PLCL1: variants seen among roughly 807,000 people sequenced by gnomAD.
PLCL1 encodes inactive phospholipase C-like protein 1.
In PLCL1, 41 loss-of-function variants were observed where a neutral mutation model predicts 84.4. The ratio of observed to expected loss-of-function variants is 0.49; its 90% CI spans 0.38 to 0.63. The LOEUF (loss-of-function observed/expected upper bound fraction) is 0.63. PLCL1 is among the 30% of genes least tolerant of loss of function. The pLI is 0.00. For missense variants in PLCL1, 1,206 were observed against 1,367.8 expected, an observed-to-expected ratio of 0.88 and a Z score of 1.87; for synonymous variants, 490 against 488.3, an observed-to-expected ratio of 1.00 and a Z score of -0.05.
chr2:197,915,593 C>G (rs1469425737), intron 1 of PLCL1, among the ~76,000 whole-genome samples: 2 of 151,414 alleles, frequency 1.3e-5, no homozygotes, highest in African/African-American at 4.9e-5. Flanking sequence ...GGGAGTTAAG[C>G]AGAAGAAGGT....
chr2:198,007,454 G>A (rs911412528), intron 1 of PLCL1, among the ~76,000 whole-genome samples: 1 of 152,062 alleles, frequency 6.6e-6, no homozygotes, highest in Admixed American at 6.5e-5. Context: ...TCTCAACAGG[G>A]ACCATGAAGA....
rs557654515 is a variant in PLCL1 at position 197,887,977 on chromosome 2, A to T, written c.240+82638A>T. Among the ~76,000 whole-genome samples, 89 of 152,086 alleles carry T rather than the reference A, an allele frequency of 5.9e-4. 4 individuals are homozygous for T. The South Asian group carries it at 0.014, about 24-fold the overall frequency. ...TGCGGTGGTGTGTGGCTCTGGTCCC[A>T]GGTACTTGGGAGGCTGAAGTAGGGG... On this transcript the variant is annotated intron_variant, in intron 1 of 5. Transcript: ENST00000428675.
intron 1 of PLCL1, among the ~76,000 whole-genome samples, chr2:198,016,900 T>C (rs1219068184): frequency 6.6e-6 from 1 of 152,212 alleles, no homozygotes; most frequent in Non-Finnish European, 1.5e-5. Context: ...TTAATGCTTA[T>C]ACTGCCACTT....
intron 1 of PLCL1, among the ~76,000 whole-genome samples, chr2:197,893,828 T>G (rs1391262176): frequency 1.3e-5 from 2 of 151,942 alleles, no homozygotes; most frequent in Non-Finnish European, 1.5e-5. Flanking sequence ...AAATAGGGAT[T>G]TAATGTTTTT....
At chr2:198,038,924 TA>T (rs1470734855) in intron 1 of PLCL1, among the ~76,000 whole-genome samples, 4 of 151,958 alleles carry the variant, frequency 2.6e-5, no homozygotes, top group Non-Finnish European at 4.4e-5. Context: ...AACAGAGCTG[TA>T]AGATAGTAAT....
At chr2:198,015,064 C>T (rs763414755) in intron 1 of PLCL1, among the ~76,000 whole-genome samples, 6 of 152,068 alleles carry the variant, frequency 3.9e-5, no homozygotes, top group Admixed American at 1.3e-4. Context: ...ACATGTTCGG[C>T]GTTTCAGTGG....
At chr2:197,920,804 G>T (rs898019112) in intron 1 of PLCL1, among the ~76,000 whole-genome samples, 1 of 152,202 alleles carries the variant, frequency 6.6e-6, no homozygotes, top group Non-Finnish European at 1.5e-5. Context: ...TTATTTGCAA[G>T]CCAATGTAAT....
Position 197,922,600 on chromosome 2 carries a change from C to G in PLCL1, c.240+117261C>G, listed in dbSNP as rs1367969163. 1.8e-3 allele frequency among the ~76,000 whole-genome samples: 251 copies of G among 139,030 alleles called. 2 individuals are homozygous for G. The highest frequency in any genetic ancestry group is 6.2e-3 in the African/African-American group (240 of 38,426). The allele number at this position is 139,030 out of a possible 152,430, so 91.2% of individuals were successfully genotyped here. ...CCCAGTAGGGGCAGCCGGGCAGAGG[C>G]GCCCCTCACCTCCCGGACGGGGCGG... On this transcript the variant is annotated intron_variant, in intron 1 of 5. Transcript: ENST00000428675.
intron 1 of PLCL1, among the ~76,000 whole-genome samples, chr2:197,949,266 G>A (rs1332464916): frequency 1.3e-5 from 2 of 152,146 alleles, no homozygotes; most frequent in Admixed American, 1.3e-4. Context: ...AGATCAGAGA[G>A]GCTGCTGAGA....
intron 1 of PLCL1, among the ~76,000 whole-genome samples, chr2:197,988,284 G>A (rs765105861): frequency 2.0e-5 from 3 of 152,134 alleles, no homozygotes; most frequent in Non-Finnish European, 2.9e-5. Flanking sequence ...TGGTTACATG[G>A]ATGAATTGTA....
intron 3 of PLCL1, among the ~76,000 whole-genome samples, chr2:198,101,017 T>C (rs1693318596): frequency 1.3e-5 from 2 of 152,204 alleles, no homozygotes; most frequent in South Asian, 4.1e-4. Flanking sequence ...GGAATGTATA[T>C]ACATTTATTT....
intron 5 of PLCL1, among the ~76,000 whole-genome samples, chr2:198,133,169 A>G (rs1408734007): frequency 6.6e-6 from 1 of 152,038 alleles, no homozygotes; most frequent in Non-Finnish European, 1.5e-5. Flanking sequence ...AATGTGGCAC[A>G]TATACACCAT....
chr2:198,130,255 C>T (rs1316457972), intron 5 of PLCL1, among the ~76,000 whole-genome samples: 1 of 152,132 alleles, frequency 6.6e-6, no homozygotes, highest in African/African-American at 2.4e-5. Context: ...GGGACACCAC[C>T]CCCTTCTCTC....
chr2:198,047,947 A>G (rs1574272651), intron 1 of PLCL1, among the ~76,000 whole-genome samples: 1 of 152,202 alleles, frequency 6.6e-6, no homozygotes, highest in Admixed American at 6.5e-5. Flanking sequence ...GTGGCAGATT[A>G]AGAACCTTCT....
At chr2:197,966,129 G>A (rs1689727707) in intron 1 of PLCL1, among the ~76,000 whole-genome samples, 2 of 151,894 alleles carry the variant, frequency 1.3e-5, no homozygotes. Flanking sequence ...TACTATGGCT[G>A]AGCTGGTATT....
intron 1 of PLCL1, among the ~76,000 whole-genome samples, chr2:197,827,809 G>A (rs1243075934): frequency 2.6e-5 from 4 of 152,092 alleles, no homozygotes; most frequent in East Asian, 1.9e-4. Context: ...TAAGTGTTCA[G>A]TTGGCTACAG....
intron 1 of PLCL1, among the ~76,000 whole-genome samples, chr2:197,862,034 C>A (rs1161624670): frequency 6.6e-6 from 1 of 152,128 alleles, no homozygotes; most frequent in Non-Finnish European, 1.5e-5. Context: ...ATAAAGCAAA[C>A]TTCTAGCATT....
intron 1 of PLCL1, among the ~76,000 whole-genome samples, chr2:198,035,509 C>T (rs929603529): frequency 1.3e-5 from 2 of 151,808 alleles, no homozygotes; most frequent in Non-Finnish European, 2.9e-5. Flanking sequence ...GGTTTTTTTC[C>T]ATTTGAAAGT....
chr2:197,874,657 A>G (rs1256112555), intron 1 of PLCL1, among the ~76,000 whole-genome samples: 1 of 152,142 alleles, frequency 6.6e-6, no homozygotes, highest in East Asian at 1.9e-4. Flanking sequence ...GGTGTTTTAG[A>G]TTTAGATTGT....
Sources: gnomAD v4.1 joint callset for allele counts (sites outside exome capture counted in the v4.1 genomes callset) on GRCh38, gnomAD v4.1.1 for gene constraint, MANE v1.5 for transcripts, NCBI Gene and HGNC (gene_info 2026-07-23, HGNC 2026-07-21) for gene names.